The following RPGRIP1 variants were observed in gnomAD, a reference collection of about 807,000 sequenced individuals.
RPGRIP1 encodes the protein X-linked retinitis pigmentosa GTPase regulator-interacting protein 1.
Under a neutral mutation model 157.9 loss-of-function variants are expected in RPGRIP1, and 128 were observed. The ratio of observed to expected loss-of-function variants is 0.81; its 90% confidence interval spans 0.70 to 0.94. The LOEUF is 0.94. RPGRIP1 is among the 40% of genes least tolerant of loss of function. The pLI is 0.00. For missense variants in RPGRIP1, 1,486 were observed against 1,545.8 expected, an observed-to-expected ratio of 0.96 and a Z score of 0.65; for synonymous variants, 554 against 571.6, an observed-to-expected ratio of 0.97 and a Z score of 0.44.
intron 1 of RPGRIP1, among the ~76,000 whole-genome samples, chr14:21,282,429 G>T (rs912101510): frequency 1.3e-5 from 2 of 151,640 alleles, no homozygotes; most frequent in Admixed American, 6.6e-5. Flanking sequence ...GTAGAGACGG[G>T]GTTTCACTAT....
chr14:21,287,025 G>GA (rs918411436), intron 1 of RPGRIP1, among the ~76,000 whole-genome samples: 113 of 93,306 alleles, frequency 1.2e-3, no homozygotes, highest in South Asian at 2.9e-3. Flanking sequence ...CCTGCCAAAA[G>GA]AAAAAAAAAA....
At chr14:21,325,730 T>C in intron 16 of RPGRIP1, 101 bp from the exon 17 acceptor site, 1 of 864,290 alleles carries the variant, frequency 1.2e-6, no homozygotes, top group South Asian at 1.8e-5. Context: ...TTGGGATAGC[T>C]GTTCTCTAGA....
At chr14:21,344,844 G>C (rs1885400091) in intron 22 of RPGRIP1, among the ~76,000 whole-genome samples, 1 of 152,168 alleles carries the variant, frequency 6.6e-6, no homozygotes, top group Non-Finnish European at 1.5e-5. Flanking sequence ...TACTCGGGAG[G>C]CTGAGGCAGG....
Position 21,351,091 on chromosome 14 carries a change from C to T in RPGRIP1, c.3749-13C>T, listed in dbSNP as rs1439553736. On this transcript the variant is annotated splice_polypyrimidine_tract_variant and intron_variant, in intron 24 of 24. Transcript: ENST00000400017. Reference sequence around the variant, plus strand: ...TCAACTGAGTGATGCTGTTTTTTTCCCTTTCCCAACAGTTGTTAGCCCTGA... The same window carrying T: ...TCAACTGAGTGATGCTGTTTTTTTCTCTTTCCCAACAGTTGTTAGCCCTGA... 1.3e-6 allele frequency: 2 copies of T among 1,534,304 alleles called. No homozygotes were observed. Among genetic ancestry groups the T allele is most frequent in the Non-Finnish European group, 1.8e-6 (2 of 1,119,204 alleles).
chr14:21,310,603 A>G lies in RPGRIP1; in HGVS notation c.926A>G (p.Gln309Arg), dbSNP rs757291015. Residue 309 changes from glutamine (Q) to arginine (R), a missense_variant, in exon 8 of 25, where the codon CAG (glutamine) becomes CGG (arginine). Coordinates refer to ENST00000400017, the MANE Select transcript of RPGRIP1 (RefSeq NM_020366.4). ...EVQEAYETLL[Q>R]KNQGILSAAH... ...TTCCAGGCATACGAAACCTTGCTCC[A>G]GAAGGTACTTAATGAGAATTGAGTC... 4.8e-6 allele frequency: 7 copies of G among 1,461,388 alleles called. No homozygotes were observed. Among genetic ancestry groups the G allele is most frequent in the Non-Finnish European group, 6.5e-6 (7 of 1,078,558 alleles). 90.5% of individuals were successfully genotyped at this position (1,461,388 alleles called of 1,614,324 possible).
intron 10 of RPGRIP1, among the ~76,000 whole-genome samples, chr14:21,313,042 C>T (rs1881605127): frequency 1.3e-5 from 2 of 151,788 alleles, no homozygotes; most frequent in African/African-American, 4.8e-5. Context: ...TGTCAGGTTG[C>T]CCAGGCTGGT....
chr14:21,284,540 ATTTTT>A (rs67923336), intron 1 of RPGRIP1, among the ~76,000 whole-genome samples: 7 of 130,462 alleles, frequency 5.4e-5, no homozygotes, highest in Admixed American at 1.7e-4. Flanking sequence ...GGAGAACTAA[ATTTTT>A]TTTTTTTTTT....
At chr14:21,331,539 ACAG>A in intron 20 of RPGRIP1, among the ~76,000 whole-genome samples, 1 of 152,026 alleles carries the variant, frequency 6.6e-6, no homozygotes, top group Non-Finnish European at 1.5e-5. Flanking sequence ...AAAACAAAAA[ACAG>A]GACAGTGTTT....
intron 1 of RPGRIP1, among the ~76,000 whole-genome samples, chr14:21,286,558 G>T (rs1880307554): frequency 6.6e-6 from 1 of 151,984 alleles, no homozygotes; most frequent in South Asian, 2.1e-4. Flanking sequence ...ACTTTGGGAG[G>T]CTGAGGCAGG....
intron 21 of RPGRIP1, among the ~76,000 whole-genome samples, chr14:21,340,676 C>T (rs971966511): frequency 2.6e-5 from 4 of 152,038 alleles, no homozygotes; most frequent in Non-Finnish European, 5.9e-5. Context: ...ATACAGATTC[C>T]CAGGAGCCAC....
chr14:21,305,740 A>C (rs1297158730), intron 6 of RPGRIP1, among the ~76,000 whole-genome samples: 2 of 152,098 alleles, frequency 1.3e-5, no homozygotes, highest in East Asian at 3.9e-4. Context: ...TCATGCCTGT[A>C]ATTCCAGCTA....
Position 21,326,041 on chromosome 14 carries a change from G to A in RPGRIP1, c.2578G>A (p.Asp860Asn), listed in dbSNP as rs1369458987. The change falls in exon 17 of 25, where the codon GAC (aspartate) becomes AAC (asparagine). Residue 860 changes from aspartate to asparagine, a missense_variant. By Grantham distance (23) the Asp-to-Asn change is conservative (BLOSUM62 1). Transcript: ENST00000400017. Reference sequence around the variant, plus strand: ...TCGATTCCCAGTGCTTGTGACCTCTGACCTGGACCATTATCTGAGACGGGA... The same window carrying A: ...TCGATTCCCAGTGCTTGTGACCTCTAACCTGGACCATTATCTGAGACGGGA... ...QARFPVLVTSDLDHYLRREAL... is the reference protein window; with the variant it reads ...QARFPVLVTSNLDHYLRREAL... 2 of 1,613,962 alleles carry A rather than the reference G, an allele frequency of 1.2e-6. No individual in the cohort carries two copies. Among genetic ancestry groups the A allele is most frequent in the Non-Finnish European group, 1.7e-6 (2 of 1,179,888 alleles).
chr14:21,300,423 A>G (rs1010709304), intron 3 of RPGRIP1, among the ~76,000 whole-genome samples: 1 of 152,150 alleles, frequency 6.6e-6, no homozygotes, highest in African/African-American at 2.4e-5. Flanking sequence ...GCACAGTGAG[A>G]GCATAGAATC....
intron 2 of RPGRIP1, among the ~76,000 whole-genome samples, chr14:21,290,727 G>C (rs1880490311): frequency 6.6e-6 from 1 of 151,994 alleles, no homozygotes; most frequent in Non-Finnish European, 1.5e-5. Flanking sequence ...GCTGAGGCAG[G>C]AGAATGGCGT....
At chr14:21,286,876 CT>C (rs1380990189) in intron 1 of RPGRIP1, among the ~76,000 whole-genome samples, 3 of 151,596 alleles carry the variant, frequency 2.0e-5, no homozygotes, top group Admixed American at 2.0e-4. Flanking sequence ...AGTCAGGAGA[CT>C]GGGCCTGGCA....
chr14:21,313,028 G>A (rs1225494965), intron 10 of RPGRIP1, among the ~76,000 whole-genome samples: 3 of 151,754 alleles, frequency 2.0e-5, no homozygotes, highest in Non-Finnish European at 4.4e-5. Flanking sequence ...TAGAGACAGG[G>A]TTTTGTCAGG....
intron 1 of RPGRIP1, among the ~76,000 whole-genome samples, chr14:21,283,513 G>A (rs2139126865): frequency 6.6e-6 from 1 of 152,210 alleles, no homozygotes; most frequent in African/African-American, 2.4e-5. Context: ...ATGTTAGCCA[G>A]GCTGGTCTCA....
chr14:21,342,042 A>G (rs942992696), intron 21 of RPGRIP1, among the ~76,000 whole-genome samples: 28 of 146,348 alleles, frequency 1.9e-4, no homozygotes, highest in African/African-American at 6.8e-4. Flanking sequence ...AGAGGGAGAC[A>G]CTGTCTCAAA....
chr14:21,328,748 C>A (rs1388829188), intron 19 of RPGRIP1, 121 bp downstream of exon 19: 1 of 721,316 alleles, frequency 1.4e-6, no homozygotes, highest in Non-Finnish European at 2.3e-6. Context: ...ATCGGCCGGG[C>A]ATGGTGGCTT....
Sources: allele counts gnomAD v4.1 joint callset (sites outside exome capture counted in the v4.1 genomes callset), GRCh38; gene constraint gnomAD v4.1.1; transcripts MANE v1.5; gene names NCBI Gene and HGNC (gene_info 2026-07-23, HGNC 2026-07-21).